Variants in TMEM131L observed in about 807,000 individuals in gnomAD.
TMEM131L encodes the protein transmembrane protein 131-like.
TMEM131L carries 54 observed loss-of-function variants against 192.2 expected under a neutral mutation model. The ratio of observed to expected loss-of-function variants is 0.28; its 90% confidence interval spans 0.23 to 0.35. The LOEUF (loss-of-function observed/expected upper bound fraction) is 0.35, where lower values mean the gene tolerates loss of function less well. TMEM131L is among the 10% of genes least tolerant of loss of function. The probability of loss-of-function intolerance (pLI) is 1.00; values close to 1 mark genes in which losing one functional copy is unlikely to be tolerated. For synonymous variants in TMEM131L, 701 were observed against 704.9 expected (o/e 0.99, Z 0.09); for missense variants, 1,888 against 1,972.9 (o/e 0.96, Z 0.82).
rs191838632 is a variant in TMEM131L, at chr4:153,534,686, G to A, written c.240-15387G>A. On this transcript the variant is annotated intron_variant, in intron 3 of 34. Coordinates refer to ENST00000409959, the MANE Select transcript of TMEM131L (RefSeq NM_001131007.2). ...CTGACCTCGTGATACGCCCGCCTCG[G>A]CCTCCCAATGTGCTAGGATTACAGG... Among the ~76,000 whole-genome samples, 6 of 152,334 alleles carry A rather than the reference G, an allele frequency of 3.9e-5. No homozygotes were observed. In the East Asian group the frequency reaches 9.6e-4, roughly 24 times the overall value.
chr4:153,580,070 G>T (rs1019218016), intron 7 of TMEM131L, among the ~76,000 whole-genome samples: 2 of 152,198 alleles, frequency 1.3e-5, no homozygotes, highest in African/African-American at 4.8e-5. Context: ...GAAAGAGGAA[G>T]TCTCATAGCC....
chr4:153,572,080 T>A (rs1051228122), intron 7 of TMEM131L, among the ~76,000 whole-genome samples: 1 of 152,182 alleles, frequency 6.6e-6, no homozygotes, highest in African/African-American at 2.4e-5. Flanking sequence ...ATAATTGTAC[T>A]TAGGTATGGG....
chr4:153,580,364 T>C (rs1730250947), intron 7 of TMEM131L, among the ~76,000 whole-genome samples: 1 of 152,220 alleles, frequency 6.6e-6, no homozygotes, highest in South Asian at 2.1e-4. Context: ...TTTTGTTTTT[T>C]TGGTCTAACT....
chr4:153,513,642 G>A (rs1399320816), intron 3 of TMEM131L, among the ~76,000 whole-genome samples: 2 of 152,276 alleles, frequency 1.3e-5, no homozygotes, highest in East Asian at 3.9e-4. Context: ...ACTGGCTTTT[G>A]TTGCTCCCAT....
chr4:153,536,836 A>G (rs902025546), intron 3 of TMEM131L, among the ~76,000 whole-genome samples: 2 of 152,108 alleles, frequency 1.3e-5, no homozygotes, highest in Non-Finnish European at 2.9e-5. Context: ...GGAGCAAGGA[A>G]ACCAGTCCGA....
chr4:153,576,771 C>T (rs1461842599), intron 7 of TMEM131L, among the ~76,000 whole-genome samples: 5 of 151,116 alleles, frequency 3.3e-5, no homozygotes, highest in Non-Finnish European at 7.4e-5. Flanking sequence ...ATCAGAAATA[C>T]ACACTGTTAG....
chr4:153,609,003 T>A (rs951990815), intron 25 of TMEM131L, among the ~76,000 whole-genome samples: 2 of 152,164 alleles, frequency 1.3e-5, no homozygotes, highest in African/African-American at 4.8e-5. Flanking sequence ...TTTATTATTA[T>A]TAGTGTTCTT....
intron 3 of TMEM131L, among the ~76,000 whole-genome samples, chr4:153,485,657 T>C (rs1176776526): frequency 6.6e-6 from 1 of 152,242 alleles, no homozygotes; most frequent in Non-Finnish European, 1.5e-5. Flanking sequence ...TCTGTTTGAA[T>C]TACAATCCAA....
intron 7 of TMEM131L, 22 bp from the exon 8 acceptor site, chr4:153,580,804 T>G (rs1287947545): frequency 6.6e-7 from 1 of 1,505,544 alleles, no homozygotes; most frequent in Non-Finnish European, 9.2e-7. Context: ...AAAGTTCTTT[T>G]CCTCCTTTTT....
At chr4:153,533,248 G>C (rs1247979826) in intron 3 of TMEM131L, among the ~76,000 whole-genome samples, 1 of 152,108 alleles carries the variant, frequency 6.6e-6, no homozygotes, top group Admixed American at 6.5e-5. Flanking sequence ...GCCTCCCAAA[G>C]TGCTGGGATT....
At chr4:153,621,658 T>G (rs1158112342) in intron 27 of TMEM131L, 25 bp from the exon 28 acceptor site, 1 of 1,611,484 alleles carries the variant, frequency 6.2e-7, no homozygotes, top group Admixed American at 1.7e-5. Flanking sequence ...AGATGTGTTT[T>G]TTTGTGTGTG....
rs143786255 is a variant in TMEM131L at position 153,629,079 on chromosome 4, C to T, written c.4207+1392C>T. On this transcript the variant is annotated intron_variant, in intron 31 of 34. Transcript: ENST00000409959. ...TGCAAAGCCCCAGCCATGGTTTTGC[C>T]TAGTGCCCCACCTGCTCCTGTGCAG... Among the ~76,000 whole-genome samples, 151 of 152,286 alleles carry T rather than the reference C, an allele frequency of 9.9e-4. 1 individual carries two copies. The highest frequency in any genetic ancestry group is 3.4e-3 in the African/African-American group (143 of 41,558).
intron 25 of TMEM131L, among the ~76,000 whole-genome samples, chr4:153,608,926 A>G (rs376487505): frequency 2.0e-5 from 3 of 152,190 alleles, no homozygotes; most frequent in African/African-American, 2.4e-5. Flanking sequence ...ATAAGTGTAC[A>G]TCGTGAAACC....
intron 25 of TMEM131L, among the ~76,000 whole-genome samples, chr4:153,607,016 T>C (rs571219533): frequency 6.6e-6 from 1 of 152,328 alleles, no homozygotes; most frequent in South Asian, 2.1e-4. Context: ...TGTTAAAAAG[T>C]GAATAAATTG....
intron 2 of TMEM131L, among the ~76,000 whole-genome samples, chr4:153,469,718 G>C (rs1731016748): frequency 6.6e-6 from 1 of 152,140 alleles, no homozygotes; most frequent in Non-Finnish European, 1.5e-5. Flanking sequence ...CCTGAGGTCA[G>C]GAGTTTGAGA....
chr4:153,495,054 G>A (rs1269861534), intron 3 of TMEM131L, among the ~76,000 whole-genome samples: 1 of 152,170 alleles, frequency 6.6e-6, no homozygotes, highest in Non-Finnish European at 1.5e-5. Context: ...GGTGGCTCAC[G>A]CCTGTAATCC....
intron 26 of TMEM131L, among the ~76,000 whole-genome samples, chr4:153,620,460 A>G (rs1297021006): frequency 6.6e-6 from 1 of 152,210 alleles, no homozygotes; most frequent in Non-Finnish European, 1.5e-5. Flanking sequence ...AGGTTGGAGG[A>G]TTTATTGCTG....
chr4:153,486,095 T>C (rs1488417913), intron 3 of TMEM131L, among the ~76,000 whole-genome samples: 2 of 152,154 alleles, frequency 1.3e-5, no homozygotes, highest in African/African-American at 4.8e-5. Flanking sequence ...GATTAACGGA[T>C]GGAAGCAACT....
At chr4:153,472,404 A>T (rs1200050086) in intron 2 of TMEM131L, among the ~76,000 whole-genome samples, 1 of 152,218 alleles carries the variant, frequency 6.6e-6, no homozygotes, top group African/African-American at 2.4e-5. Context: ...AAAGTTGCTT[A>T]GTGAAGTTCC....
Sources: allele counts gnomAD v4.1 joint callset (sites outside exome capture counted in the v4.1 genomes callset), GRCh38; gene constraint gnomAD v4.1.1; transcripts MANE v1.5; gene names NCBI Gene and HGNC (gene_info 2026-07-23, HGNC 2026-07-21).